The following UBR3 variants were observed in gnomAD, a reference collection of about 807,000 sequenced individuals.
The protein encoded by UBR3 is E3 ubiquitin-protein ligase UBR3.
UBR3 carries 85 observed loss-of-function variants against 243.2 expected under a neutral mutation model. The ratio of observed to expected loss-of-function variants is 0.35; its 90% CI spans 0.29 to 0.42. The LOEUF (loss-of-function observed/expected upper bound fraction) is 0.42. UBR3 is among the 10% of genes least tolerant of loss of function. The probability of loss-of-function intolerance (pLI) is 1.00; values close to 1 mark genes in which losing one functional copy is unlikely to be tolerated. For synonymous variants in UBR3, 748 were observed against 799.8 expected (o/e 0.94, Z 1.09); for missense variants, 1,686 against 2,300.8 (o/e 0.73, Z 5.47).
At chr2:169,860,916 T>C (rs1022372105) in intron 1 of UBR3, among the ~76,000 whole-genome samples, 7 of 152,142 alleles carry the variant, frequency 4.6e-5, no homozygotes, top group African/African-American at 1.7e-4. Context: ...CAGCACTCAG[T>C]CTGTGGCCAC....
At chr2:169,866,626 G>A (rs1325024958) in intron 1 of UBR3, among the ~76,000 whole-genome samples, 3 of 152,186 alleles carry the variant, frequency 2.0e-5, no homozygotes, top group African/African-American at 7.2e-5. Context: ...GCCCCCCAAA[G>A]TACTGGGATT....
chr2:169,970,688 T>G (rs936793388), intron 24 of UBR3, among the ~76,000 whole-genome samples: 1 of 123,214 alleles, frequency 8.1e-6, no homozygotes, highest in Non-Finnish European at 1.8e-5. Flanking sequence ...TATTCCATGG[T>G]GTATATGTGC....
chr2:169,841,876 C>T (rs924721162), intron 1 of UBR3, among the ~76,000 whole-genome samples: 32 of 152,342 alleles, frequency 2.1e-4, no homozygotes, highest in African/African-American at 6.5e-4. Context: ...CCCTACTCCA[C>T]GGTGCCCAGT....
intron 1 of UBR3, 84 bp downstream of exon 1, chr2:169,828,136 C>T: frequency 7.6e-7 from 1 of 1,308,922 alleles, no homozygotes; most frequent in Non-Finnish European, 9.7e-7. Flanking sequence ...TGGGAGCCCA[C>T]TCTGAGCTGT....
chr2:169,986,729 G>A lies in UBR3; in HGVS notation c.3719G>A (p.Gly1240Glu). 1 of 1,614,054 alleles carries A rather than the reference G, an allele frequency of 6.2e-7. No individual in the cohort carries two copies. The highest frequency in any genetic ancestry group is 8.5e-7 in the Non-Finnish European group (1 of 1,179,972). ...SEAVYDCVIC[G>E]QSGPSSEDRP... ...GCAGTATATGACTGTGTTATTTGTG[G>A]ACAGAGTGGCCCCTCCTCTGAAGAT... The change falls in exon 25 of 39, where the codon GGA becomes GAA. Residue 1240 changes from glycine to glutamate, a missense_variant. This residue lies in a region of UBR3 where 156 missense variants were observed against 246.3 expected (regional missense o/e 0.63). Transcript: ENST00000272793.
Position 169,890,546 on chromosome 2 carries a change from T to TATATACAC in UBR3, c.1039-614_1039-613insCACATATA, listed in dbSNP as rs1165285588. On this transcript the variant is annotated intron_variant, in intron 5 of 38. Transcript: ENST00000272793. ...TCTAGGAGAGAGAGAGAGAGATATATATATATATATATATATATGTGTATA... is the reference window on the plus strand; with the variant it reads ...TCTAGGAGAGAGAGAGAGAGATATATATATACACATATATATATATATATATGTGTATA... Among the ~76,000 whole-genome samples, 33 of 56,096 alleles carry TATATACAC rather than the reference T, an allele frequency of 5.9e-4. 2 individuals are homozygous for TATATACAC. The highest frequency in any genetic ancestry group is 1.9e-3 in the East Asian group (4 of 2,082). The allele number at this position is 56,096 out of a possible 152,430, so 36.8% of individuals were successfully genotyped here. A position where few individuals can be genotyped will look rare whatever the true frequency, so the allele number is the denominator to read the frequency against.
At chr2:170,029,801 C>A (rs1354475372) in intron 31 of UBR3, among the ~76,000 whole-genome samples, 1 of 152,016 alleles carries the variant, frequency 6.6e-6, no homozygotes, top group Non-Finnish European at 1.5e-5. Context: ...ATCAGTCTTT[C>A]ACCTAATGGT....
Position 170,081,716 on chromosome 2 carries a change from T to A in UBR3, c.5550-10T>A, listed in dbSNP as rs751210642. ...ATGATATTAATACTTTTTTTTTCTT[T>A]TTGTTCTAGGCGAGGCAAACCTCTC... is the stretch of plus-strand genomic sequence containing the variant. On this transcript the variant is annotated splice_polypyrimidine_tract_variant and intron_variant, in intron 38 of 38. Transcript: ENST00000272793. 26 of 1,567,240 alleles carry A rather than the reference T, an allele frequency of 1.7e-5. No homozygotes were observed. The highest frequency in any genetic ancestry group is 1.4e-4 in the Admixed American group (7 of 49,490).
At chr2:169,866,148 C>T (rs2083250451) in intron 1 of UBR3, among the ~76,000 whole-genome samples, 1 of 31,396 alleles carries the variant, frequency 3.2e-5, no homozygotes, top group Non-Finnish European at 4.9e-5. Context: ...GAGACTGTGT[C>T]TCAAAAAAAA....
chr2:169,889,699 G>A (rs898350609), intron 5 of UBR3, among the ~76,000 whole-genome samples: 12 of 152,302 alleles, frequency 7.9e-5, no homozygotes, highest in African/African-American at 2.4e-4. Flanking sequence ...ATATTGAAGT[G>A]CCCAGTAAAT....
intron 25 of UBR3, among the ~76,000 whole-genome samples, chr2:169,992,269 A>C (rs1369401749): frequency 1.3e-5 from 2 of 152,214 alleles, no homozygotes; most frequent in Non-Finnish European, 2.9e-5. Context: ...TAATTTTTAA[A>C]AATCTGACAG....
At chr2:169,909,741 G>GTATATATA (rs34263331) in intron 10 of UBR3, among the ~76,000 whole-genome samples, 14 of 149,528 alleles carry the variant, frequency 9.4e-5, no homozygotes, top group African/African-American at 1.7e-4. Flanking sequence ...GTGTGTGTGT[G>GTATATATA]TATATATATA....
At chr2:170,017,580 CACAG>C (rs879737704) in intron 30 of UBR3, among the ~76,000 whole-genome samples, 2,813 of 96,290 alleles carry the variant, frequency 0.029, 65 homozygotes, top group African/African-American at 0.088. Context: ...CACACACACA[CACAG>C]GGGGAGAAGG....
At chr2:170,020,919 C>T (rs1391207752) in intron 30 of UBR3, among the ~76,000 whole-genome samples, 1 of 152,116 alleles carries the variant, frequency 6.6e-6, no homozygotes, top group Non-Finnish European at 1.5e-5. Flanking sequence ...TAGGAAATCT[C>T]CTAGTCTAAA....
intron 24 of UBR3, among the ~76,000 whole-genome samples, chr2:169,984,170 G>T (rs915237454): frequency 3.3e-5 from 5 of 151,982 alleles, no homozygotes; most frequent in African/African-American, 7.3e-5. Flanking sequence ...ATTGATGTGT[G>T]CATTAAGTAC....
At chr2:170,030,476 A>AAGATTGC (rs1416274019) in intron 31 of UBR3, among the ~76,000 whole-genome samples, 3 of 152,126 alleles carry the variant, frequency 2.0e-5, no homozygotes, top group Non-Finnish European at 4.4e-5. Flanking sequence ...TGATCAACAT[A>AAGATTGC]AGATTGCACA....
intron 33 of UBR3, among the ~76,000 whole-genome samples, chr2:170,059,899 A>G (rs2091422871): frequency 6.6e-6 from 1 of 152,200 alleles, no homozygotes; most frequent in Admixed American, 6.5e-5. Context: ...ATTAGCAGGT[A>G]TTTCTTGCTC....
intron 24 of UBR3, among the ~76,000 whole-genome samples, chr2:169,960,040 C>G: frequency 6.6e-6 from 1 of 151,916 alleles, no homozygotes; most frequent in Non-Finnish European, 1.5e-5. Flanking sequence ...CACTTGAGGT[C>G]AGGAGTTTGA....
chr2:170,080,739 C>A, intron 38 of UBR3, 55 bp downstream of exon 38: 1 of 1,553,152 alleles, frequency 6.4e-7, no homozygotes. Flanking sequence ...TCAGTGAAAA[C>A]CAATATGCTA....
Sources: gnomAD v4.1 joint callset for allele counts (sites outside exome capture counted in the v4.1 genomes callset) on GRCh38, gnomAD v4.1.1 for gene constraint, gnomAD v4.1.1 regional missense constraint, MANE v1.5 for transcripts, NCBI Gene and HGNC (gene_info 2026-07-23, HGNC 2026-07-21) for gene names.